DYNC2H1: variants seen among roughly 807,000 people sequenced by gnomAD.
DYNC2H1 encodes the protein dynein cytoplasmic 2 heavy chain 1.
In DYNC2H1, 410 loss-of-function variants were observed where a neutral mutation model predicts 570.0. The ratio of observed to expected loss-of-function variants is 0.72; its 90% confidence interval spans 0.66 to 0.78. The LOEUF (loss-of-function observed/expected upper bound fraction) is 0.78, where lower values mean the gene tolerates loss of function less well. DYNC2H1 is among the 30% of genes least tolerant of loss of function. DYNC2H1 has a pLI of 0.00. For missense variants in DYNC2H1, 4,865 were observed against 5,046.4 expected (o/e 0.96, Z 1.09); for synonymous variants, 1,688 against 1,677.6 (o/e 1.01, Z -0.15).
At chr11:103,112,130 T>C (rs1858145035) in intron 1 of DYNC2H1, among the ~76,000 whole-genome samples, 1 of 152,128 alleles carries the variant, frequency 6.6e-6, no homozygotes, top group South Asian at 2.1e-4. Flanking sequence ...AATGATGAGT[T>C]GCAGGCAGGC....
chr11:103,344,188 G>A (rs983851133), intron 82 of DYNC2H1, among the ~76,000 whole-genome samples: 1 of 152,188 alleles, frequency 6.6e-6, no homozygotes, highest in Non-Finnish European at 1.5e-5. Context: ...AAATCTTTCT[G>A]TAGAGATTTT....
At position 103,363,305 on chromosome 11, in the gene DYNC2H1, T is replaced by C. The variant is rs559987863; in HGVS notation, c.12156+4946T>C. On this transcript the variant is annotated intron_variant, in intron 83 of 88. Coordinates refer to ENST00000375735, the MANE Select transcript of DYNC2H1 (RefSeq NM_001377.3). The surrounding 1 kb of genome is among the most constrained non-coding windows in gnomAD (Gnocchi z 5.6). ...TTTTTTTCTTAATTAGAACTATTAGTTTATGAGAAAATCAGTTTATTTTAG... is the reference window on the plus strand; with the variant it reads ...TTTTTTTCTTAATTAGAACTATTAGCTTATGAGAAAATCAGTTTATTTTAG... Among the ~76,000 whole-genome samples the C allele has an allele frequency of 2.0e-5, 3 of 152,254 alleles. No individual in the cohort carries two copies. The highest frequency in any genetic ancestry group is 4.8e-5 in the African/African-American group (2 of 41,546).
At chr11:103,136,423 T>C (rs1350469135) in intron 17 of DYNC2H1, among the ~76,000 whole-genome samples, 2 of 150,552 alleles carry the variant, frequency 1.3e-5, no homozygotes, top group Non-Finnish European at 3.0e-5. Context: ...CCTTTTCCTG[T>C]GTCCATGTGC....
intron 20 of DYNC2H1, among the ~76,000 whole-genome samples, chr11:103,150,414 G>C (rs1434322135): frequency 6.6e-6 from 1 of 152,104 alleles, no homozygotes; most frequent in Non-Finnish European, 1.5e-5. Flanking sequence ...TCCACTGATT[G>C]ATGATGTATA....
At position 103,280,716 on chromosome 11, in the gene DYNC2H1, G is replaced by A. The variant is rs1394150522; in HGVS notation, c.10761+303G>A. On this transcript the variant is annotated intron_variant, in intron 71 of 88. Coordinates refer to ENST00000375735, the MANE Select transcript of DYNC2H1 (RefSeq NM_001377.3). This position sits in a 1 kb window ranked among gnomAD's most constrained non-coding sequence, Gnocchi z 4.7. ...CAGCCTTCTTCTTTTCCCGGCCTAG[G>A]TAGTAGAGCTCATATAGAAAAAGTG... Among the ~76,000 whole-genome samples, 1 of 152,046 alleles carries A rather than the reference G, an allele frequency of 6.6e-6. No individual in the cohort carries two copies. Among genetic ancestry groups the A allele is most frequent in the Non-Finnish European group, 1.5e-5 (1 of 67,952 alleles).
intron 78 of DYNC2H1, 127 bp downstream of exon 78, chr11:103,307,958 A>C (rs1364384822): frequency 2.2e-6 from 1 of 447,200 alleles, no homozygotes; most frequent in Admixed American, 4.0e-5. Context: ...TGAGGTATAC[A>C]TAGATAATAG....
intron 14 of DYNC2H1, among the ~76,000 whole-genome samples, 159 bp from the exon 15 acceptor site, chr11:103,134,162 T>C (rs1173080911): frequency 6.6e-6 from 1 of 152,214 alleles, no homozygotes; most frequent in East Asian, 1.9e-4. Flanking sequence ...GAAGTGATGT[T>C]TTGCCCTTCT....
In DYNC2H1 at chr11:103,231,334, A is replaced by C; in HGVS notation, c.9428A>C (p.Glu3143Ala). 2 of 1,601,886 alleles carry C rather than the reference A, an allele frequency of 1.2e-6. No homozygotes were observed. Among genetic ancestry groups the C allele is most frequent in the African/African-American group, 2.7e-5 (2 of 74,558 alleles). ...AATTCTGTTGGTCAAAAGGTATCAG[A>C]ACTCAAAGAAAAGTAAGTTATATTT... ...LLNSVGQKVS[E>A]LKEKFQSRTS... The change falls in exon 60 of 89, where the codon GAA becomes GCA. Residue 3143 changes from glutamate (E) to alanine (A), a missense_variant. Around this residue, in one of 5 missense-constraint regions of DYNC2H1, gnomAD observed 2,401 missense variants for 2,454.6 expected, o/e 0.98. Transcript: ENST00000375735.
intron 82 of DYNC2H1, among the ~76,000 whole-genome samples, chr11:103,352,647 T>C (rs1217179095): frequency 6.6e-6 from 1 of 152,210 alleles, no homozygotes; most frequent in East Asian, 1.9e-4. Context: ...GCTGATGTTC[T>C]TAAATGTTCT....
At chr11:103,260,132 G>C (rs904950917) in intron 70 of DYNC2H1, among the ~76,000 whole-genome samples, 155 bp downstream of exon 70, 1 of 152,122 alleles carries the variant, frequency 6.6e-6, no homozygotes, top group African/African-American at 2.4e-5. Flanking sequence ...ATGCCTTATA[G>C]CATTCTTGGT....
intron 73 of DYNC2H1, among the ~76,000 whole-genome samples, chr11:103,284,948 G>C (rs661028): frequency 0.17 from 25,297 of 152,098 alleles, 2,284 homozygotes; most frequent in Admixed American, 0.25. Context: ...ATGTGTTTGG[G>C]AAAGCCTCTG....
rs188361391 is a variant in DYNC2H1 at position 103,189,760 on chromosome 11, G to T, written c.7381G>T (p.Gly2461Cys). Residue 2461 changes from glycine (G) to cysteine (C), a missense_variant, in exon 45 of 89, where the codon GGT (glycine) becomes TGT (cysteine). Around this residue, in one of 5 missense-constraint regions of DYNC2H1, gnomAD observed 2,401 missense variants for 2,454.6 expected, o/e 0.98. Coordinates refer to ENST00000375735, the MANE Select transcript of DYNC2H1 (RefSeq NM_001377.3). This position sits in a 1 kb window ranked among gnomAD's most constrained non-coding sequence, Gnocchi z 4.3. Reference sequence around the variant, plus strand: ...AAATCTGAAGAATCATTCTATTTGGGGTTCTTCATCAAAAATTTATCTTTT... The same window carrying T: ...AAATCTGAAGAATCATTCTATTTGGTGTTCTTCATCAAAAATTTATCTTTT... ...HKNLKNHSIW[G>C]SSSKIYLLAG... 1 of 1,611,846 alleles carries T rather than the reference G, an allele frequency of 6.2e-7. No homozygotes were observed. Among genetic ancestry groups the T allele is most frequent in the African/African-American group, 1.3e-5 (1 of 74,896 alleles).
chr11:103,435,488 A>C (rs1448879006), intron 84 of DYNC2H1, among the ~76,000 whole-genome samples: 1 of 152,010 alleles, frequency 6.6e-6, no homozygotes, highest in Non-Finnish European at 1.5e-5. Flanking sequence ...TTTTAATTTC[A>C]TGTACTCCTT....
At position 103,461,575 on chromosome 11, in the gene DYNC2H1, C is replaced by T. The variant is rs538668089; in HGVS notation, c.12648+5219C>T. Among the ~76,000 whole-genome samples, 4 of 152,292 alleles carry T rather than the reference C, an allele frequency of 2.6e-5. No individual in the cohort carries two copies. The highest frequency in any genetic ancestry group is 2.9e-5 in the Non-Finnish European group (2 of 68,026). On this transcript the variant is annotated intron_variant, in intron 87 of 88. Coordinates refer to ENST00000375735, the MANE Select transcript of DYNC2H1 (RefSeq NM_001377.3). This position sits in a 1 kb window ranked among gnomAD's most constrained non-coding sequence, Gnocchi z 4.8. ...TTCCTCCAAGGCTGAGAGAGGATTGCCCTAGCAACACTTCGAGTGCTCAGT... is the reference window on the plus strand; with the variant it reads ...TTCCTCCAAGGCTGAGAGAGGATTGTCCTAGCAACACTTCGAGTGCTCAGT...
intron 84 of DYNC2H1, among the ~76,000 whole-genome samples, chr11:103,408,872 A>G (rs970093287): frequency 2.6e-5 from 4 of 152,016 alleles, no homozygotes; most frequent in East Asian, 1.9e-4. Flanking sequence ...TTTTAATGCA[A>G]TGGTAATGGG....
intron 52 of DYNC2H1, among the ~76,000 whole-genome samples, chr11:103,208,597 G>T (rs972095626): frequency 7.2e-5 from 11 of 152,096 alleles, no homozygotes; most frequent in Non-Finnish European, 1.3e-4. Flanking sequence ...ATTGGGGACA[G>T]TTAAGGAGGG....
chr11:103,342,136 G>T (rs1397073628), intron 82 of DYNC2H1, among the ~76,000 whole-genome samples: 1 of 152,096 alleles, frequency 6.6e-6, no homozygotes, highest in Admixed American at 6.5e-5. Flanking sequence ...TGGGTTGAGT[G>T]GGGACTTGGA....
chr11:103,422,159 G>A (rs1459001557), intron 84 of DYNC2H1, among the ~76,000 whole-genome samples: 1 of 152,052 alleles, frequency 6.6e-6, no homozygotes, highest in Non-Finnish European at 1.5e-5. Context: ...TTGAATCCCT[G>A]AATAGACCAA....
intron 10 of DYNC2H1, among the ~76,000 whole-genome samples, chr11:103,122,543 A>G (rs567560782): frequency 9.8e-5 from 15 of 152,350 alleles, no homozygotes; most frequent in African/African-American, 3.6e-4. Flanking sequence ...TCACTGGGGC[A>G]CAGATATTTT....
Sources: allele counts gnomAD v4.1 joint callset (sites outside exome capture counted in the v4.1 genomes callset), GRCh38; gene constraint gnomAD v4.1.1; regional missense constraint gnomAD v4.1.1; non-coding constraint Gnocchi (gnomAD v3.1); transcripts MANE v1.5; gene names NCBI Gene and HGNC (gene_info 2026-07-23, HGNC 2026-07-21).